Variants in MROH7 observed in about 807,000 individuals in gnomAD.
MROH7 encodes maestro heat like repeat family member 7.
In MROH7, 113 loss-of-function variants were observed where a neutral mutation model predicts 129.2. The ratio of observed to expected loss-of-function variants is 0.87; its 90% confidence interval spans 0.75 to 1.02. MROH7 has a LOEUF of 1.02. MROH7 is among the 50% of genes least tolerant of loss of function. The probability of loss-of-function intolerance (pLI) is 0.00; values close to 1 mark genes in which losing one functional copy is unlikely to be tolerated. For missense variants in MROH7, 1,601 were observed against 1,671.3 expected (o/e 0.96, Z 0.73); for synonymous variants, 655 against 667.9 (o/e 0.98, Z 0.30).
chr1:54,706,527 C>T lies in MROH7; in HGVS notation c.3657C>T (p.Val1219=). The stretch of plus-strand genomic sequence containing the variant: ...GGGCCTCCCTCCGGAAGTGCTCAGT[C>T]ATGTTCATAGGTAACCTGCCCTGGC... The part of the protein sequence containing the change: ...NSRASLRKCS[V]MFIGSLVPCM... The change falls in exon 22 of 24, where the codon GTC becomes GTT. Residue 1219 remains valine, a synonymous_variant. Coordinates refer to ENST00000421030, the MANE Select transcript of MROH7 (RefSeq NM_001039464.4). The T allele has an allele frequency of 6.2e-7, 1 of 1,612,606 alleles. No homozygotes were observed.
intron 3 of MROH7, chr1:54,663,876 C>T: frequency 2.3e-6 from 1 of 425,740 alleles, no homozygotes; most frequent in Middle Eastern, 4.6e-4. Context: ...TTGGTGTTGG[C>T]TGTGTTCACT....
chr1:54,697,819 C>G, intron 17 of MROH7: 1 of 572,604 alleles, frequency 1.7e-6, no homozygotes, highest in South Asian at 2.3e-5. Flanking sequence ...CTGTTAGTGT[C>G]TACCACATGG....
At chr1:54,671,037 T>C in intron 7 of MROH7, 108 bp downstream of exon 7, 1 of 1,242,076 alleles carries the variant, frequency 8.1e-7, no homozygotes. Context: ...GCAATTCAAC[T>C]GACTTCTGTT....
chr1:54,695,602 TG>T, intron 17 of MROH7, 112 bp downstream of exon 17: 1 of 745,526 alleles, frequency 1.3e-6, no homozygotes. Context: ...AGCCTTCCCA[TG>T]GGCATGACTT....
chr1:54,705,368 A>G (rs541521964), intron 21 of MROH7, among the ~76,000 whole-genome samples: 1 of 152,122 alleles, frequency 6.6e-6, no homozygotes, highest in Admixed American at 6.5e-5. Flanking sequence ...GGGTGCTGAG[A>G]CTCTTAGCTG....
intron 8 of MROH7, 100 bp from the exon 9 acceptor site, chr1:54,673,601 T>C: frequency 1.2e-6 from 1 of 845,732 alleles, no homozygotes; most frequent in South Asian, 1.5e-5. Context: ...TTATACCCTC[T>C]CTGGAAGCTT....
At position 54,701,276 on chromosome 1, in the gene MROH7, C is replaced by A; in HGVS notation, c.3239C>A (p.Ala1080Glu). 1 of 1,611,222 alleles carries A rather than the reference C, an allele frequency of 6.2e-7. No homozygotes were observed. The highest frequency in any genetic ancestry group is 8.5e-7 in the Non-Finnish European group (1 of 1,178,230). The change falls in exon 19 of 24, where the codon GCG (alanine) becomes GAG (glutamate). Residue 1080 changes from alanine (A) to glutamate (E), a missense_variant. Physicochemically the swap from Ala to Glu is moderately radical, Grantham distance 107 (BLOSUM62 -1). Transcript: ENST00000421030. ...CGGGACCAGAAGCTGATGGACAGTG[C>A]GGTCTATGTGGAGATGCTGCAGATC... is the stretch of plus-strand genomic sequence containing the variant. ...KGRDQKLMDS[A>E]VYVEMLQILL... is the part of the protein sequence containing the mutation.
intron 16 of MROH7, among the ~76,000 whole-genome samples, chr1:54,694,892 C>T (rs1057046114): frequency 1.3e-5 from 2 of 152,190 alleles, no homozygotes; most frequent in African/African-American, 4.8e-5. Context: ...GGTTGGGGCT[C>T]CAGCTCGGCC....
intron 21 of MROH7, among the ~76,000 whole-genome samples, chr1:54,706,108 A>C (rs1645529509): frequency 6.6e-6 from 1 of 151,940 alleles, no homozygotes; most frequent in Non-Finnish European, 1.5e-5. Context: ...TGAATCCTTC[A>C]CCCTGGTCAA....
At position 54,680,031 on chromosome 1, in the gene MROH7, C is replaced by T. The variant is rs1489032784; in HGVS notation, c.2367C>T (p.Pro789=). Reference sequence around the variant, plus strand: ...TTGTGGTGGCCCTGCTCATGTGCCCCCTCCCACTGAACAGGTACCAAGTGA... The same window carrying T: ...TTGTGGTGGCCCTGCTCATGTGCCCTCTCCCACTGAACAGGTACCAAGTGA... ...TEVVVALLMC[P]LPLNSNGAEM... Residue 789 remains proline, a synonymous_variant, in exon 13 of 24, where the codon CCC becomes CCT. Transcript: ENST00000421030. 1 of 1,613,956 alleles carries T rather than the reference C, an allele frequency of 6.2e-7. No individual in the cohort carries two copies. The highest frequency in any genetic ancestry group is 8.5e-7 in the Non-Finnish European group (1 of 1,179,924).
chr1:54,652,746 G>T (rs1644576412), intron 2 of MROH7, 107 bp from the exon 3 acceptor site: 1 of 761,274 alleles, frequency 1.3e-6, no homozygotes. Context: ...ACAGTCACCA[G>T]GGCCTTGTAA....
At chr1:54,705,542 C>T (rs1645519435) in intron 21 of MROH7, among the ~76,000 whole-genome samples, 1 of 152,146 alleles carries the variant, frequency 6.6e-6, no homozygotes, top group Non-Finnish European at 1.5e-5. Context: ...CTGTGGAAGG[C>T]TTCAGGAAGG....
intron 10 of MROH7, among the ~76,000 whole-genome samples, chr1:54,676,192 A>G (rs1420723773): frequency 1.3e-5 from 2 of 152,044 alleles, no homozygotes; most frequent in Non-Finnish European, 2.9e-5. Flanking sequence ...ATACTCTTAG[A>G]TTTTATTTAT....
At chr1:54,645,777 G>A (rs566307905) in intron 1 of MROH7, among the ~76,000 whole-genome samples, 32 of 149,552 alleles carry the variant, frequency 2.1e-4, no homozygotes, top group Admixed American at 4.7e-4. Context: ...TCAGCCTCCC[G>A]AGTAAGGTAG....
chr1:54,674,635 A>C (rs982452902), intron 10 of MROH7, among the ~76,000 whole-genome samples: 2 of 152,218 alleles, frequency 1.3e-5, no homozygotes, highest in African/African-American at 4.8e-5. Context: ...CTGTCTTAGA[A>C]TCCAGAGCAG....
intron 3 of MROH7, among the ~76,000 whole-genome samples, chr1:54,663,186 C>A (rs1702008): frequency 0.33 from 50,537 of 151,796 alleles, 8,527 homozygotes; most frequent in South Asian, 0.53. Flanking sequence ...TCAAACTTTC[C>A]ATTTATTTAT....
intron 7 of MROH7, 121 bp from the exon 8 acceptor site, chr1:54,672,970 C>T (rs1442312086): frequency 1.5e-6 from 1 of 650,364 alleles, no homozygotes; most frequent in African/African-American, 1.8e-5. Context: ...AGAGGTGGGA[C>T]CAGAAAGCAG....
At position 54,652,906 on chromosome 1, in the gene MROH7, T is replaced by G. The variant is rs1644578854; in HGVS notation, c.-21T>G. 6.5e-7 allele frequency: 1 copy of G among 1,541,802 alleles called. No individual in the cohort carries two copies. Among genetic ancestry groups the G allele is most frequent in the African/African-American group, 1.4e-5 (1 of 72,380 alleles). On this transcript the variant is annotated 5_prime_UTR_variant, in exon 3 of 24. In the 5' UTR this introduces an upstream ATG that the reference lacks. Coordinates refer to ENST00000421030, the MANE Select transcript of MROH7 (RefSeq NM_001039464.4). Reference sequence around the variant, plus strand: ...GTTGGAGAGAAGCGGGCACTGGCATTGAGAGACCTCCAGACTGGACATGGC... The same window carrying G: ...GTTGGAGAGAAGCGGGCACTGGCATGGAGAGACCTCCAGACTGGACATGGC...
chr1:54,672,990 G>C, intron 7 of MROH7, 101 bp from the exon 8 acceptor site: 1 of 756,376 alleles, frequency 1.3e-6, no homozygotes. Flanking sequence ...GCTTTCCTGG[G>C]TCTTAATTCC....
Sources: gnomAD v4.1 joint callset for allele counts (sites outside exome capture counted in the v4.1 genomes callset) on GRCh38, gnomAD v4.1.1 for gene constraint, MANE v1.5 for transcripts, NCBI Gene and HGNC (gene_info 2026-07-23, HGNC 2026-07-21) for gene names.